The following SYNPO variants were observed in gnomAD, a reference collection of about 807,000 sequenced individuals.
SYNPO encodes the protein synaptopodin.
In SYNPO, 19 loss-of-function variants were observed where a neutral mutation model predicts 49.5. That is an observed-to-expected ratio of 0.38 (90% CI 0.27 to 0.56). The LOEUF is 0.56. Ranked by LOEUF, SYNPO falls within the 20% of genes least tolerant of loss-of-function variation. The pLI is 0.68. For missense variants in SYNPO, 1,131 were observed against 1,248.3 expected, an observed-to-expected ratio of 0.91 and a Z score of 1.42; for synonymous variants, 536 against 548.0, an observed-to-expected ratio of 0.98 and a Z score of 0.31.
chr5:150,636,807 G>T (rs1352452273), upstream of SYNPO, among the ~76,000 whole-genome samples: 1 of 148,898 alleles, frequency 6.7e-6, no homozygotes, highest in Non-Finnish European at 1.5e-5. Context: ...GGTGGGGGGT[G>T]TTGGGAAGGG....
chr5:150,593,580 G>A, the SYNPO span, among the ~76,000 whole-genome samples: 1 of 151,860 alleles, frequency 6.6e-6, no homozygotes, highest in South Asian at 2.1e-4. Flanking sequence ...TCTCACCTCC[G>A]CCTCCCAAGT....
the SYNPO span, among the ~76,000 whole-genome samples, chr5:150,594,055 G>A: frequency 6.6e-6 from 1 of 152,322 alleles, no homozygotes. Flanking sequence ...TACCCTGCAC[G>A]GCTGTGCTGA....
intron 2 of SYNPO, among the ~76,000 whole-genome samples, chr5:150,619,332 G>A (rs10068810): frequency 0.048 from 7,306 of 152,184 alleles, 435 homozygotes; most frequent in East Asian, 0.25. Flanking sequence ...GTCACTCAGC[G>A]TGTTAGTAGT....
At chr5:150,628,243 C>T (rs1757427628) in intron 2 of SYNPO, among the ~76,000 whole-genome samples, 1 of 152,182 alleles carries the variant, frequency 6.6e-6, no homozygotes, top group Admixed American at 6.5e-5. Flanking sequence ...ATTCCACCAG[C>T]CTAGCTTCAG....
intron 1 of SYNPO, among the ~76,000 whole-genome samples, chr5:150,607,293 C>T (rs774008530): frequency 6.6e-6 from 1 of 152,134 alleles, no homozygotes; most frequent in Non-Finnish European, 1.5e-5. Context: ...TGATGTTAGG[C>T]TGCATTAATA....
the SYNPO span, among the ~76,000 whole-genome samples, chr5:150,587,187 AATGG>A: frequency 4.0e-5 from 6 of 149,976 alleles, no homozygotes; most frequent in African/African-American, 1.5e-4. Flanking sequence ...TGGATATGTT[AATGG>A]ATGGATGGAT....
rs776028959 is a variant in SYNPO at position 150,648,607 on chromosome 5, T to C, written c.332T>C (p.Leu111Pro). ...PATVVPQSLP[L>P]SSIQQNSSEA... ...ACTGTTGTCCCACAGAGCCTGCCAC[T>C]TTCTAGCATCCAACAGAATTCCTCA... is the stretch of plus-strand genomic sequence containing the variant. Residue 111 changes from leucine (L) to proline (P), a missense_variant, in exon 2 of 3, where the codon CTT (leucine) becomes CCT (proline). Leu to Pro is a moderately conservative substitution (Grantham distance 98). Coordinates refer to ENST00000307662, the MANE Select transcript of SYNPO (RefSeq NM_007286.6). This position sits in a 1 kb window ranked among gnomAD's most constrained non-coding sequence, Gnocchi z 5.0. 1 of 1,614,212 alleles carries C rather than the reference T, an allele frequency of 6.2e-7. No homozygotes were observed. Among genetic ancestry groups the C allele is most frequent in the East Asian group, 2.2e-5 (1 of 44,872 alleles).
chr5:150,651,218 C>T (rs532159949), intron 2 of SYNPO: 1 of 1,005,724 alleles, frequency 9.9e-7, no homozygotes, highest in East Asian at 1.1e-4. Context: ...TCAGATTCAA[C>T]CAAGATCTGC....
exon 2 of SYNPO, chr5:150,618,568 C>A: frequency 6.4e-7 from 1 of 1,550,598 alleles, no homozygotes; most frequent in South Asian, 1.2e-5. Flanking sequence ...GTGGGGACGA[C>A]TCTGCCTGCA....
intron 2 of SYNPO, chr5:150,652,139 AGTT>A (rs1758411140): frequency 2.0e-6 from 2 of 1,001,512 alleles, no homozygotes; most frequent in African/African-American, 3.5e-5. Context: ...TGCGTGGGGG[AGTT>A]GTGAGTGAGC....
At chr5:150,642,459 G>A (rs958292074) in intron 1 of SYNPO, among the ~76,000 whole-genome samples, 2 of 152,226 alleles carry the variant, frequency 1.3e-5, no homozygotes, top group Non-Finnish European at 2.9e-5. Context: ...GCAGGCCACA[G>A]CCAGGCCGAT....
At chr5:150,623,971 G>T (rs1481922562) in intron 2 of SYNPO, among the ~76,000 whole-genome samples, 3 of 152,224 alleles carry the variant, frequency 2.0e-5, no homozygotes, top group Non-Finnish European at 4.4e-5. Context: ...TGCCCTCAAT[G>T]GGAGTGGTGC....
intron 1 of SYNPO, among the ~76,000 whole-genome samples, chr5:150,641,535 C>T (rs1383210572): frequency 6.6e-6 from 1 of 151,886 alleles, no homozygotes; most frequent in Non-Finnish European, 1.5e-5. Context: ...CTCTGGCCTC[C>T]CTTCCCCGGC....
chr5:150,652,338 T>C (rs1310850640), intron 2 of SYNPO: 2 of 989,652 alleles, frequency 2.0e-6, no homozygotes, highest in South Asian at 4.7e-5. Flanking sequence ...CTGCCTCAAA[T>C]CCGTCTTGCT....
intron 1 of SYNPO, among the ~76,000 whole-genome samples, chr5:150,646,433 G>A (rs1758095279): frequency 6.6e-6 from 1 of 152,118 alleles, no homozygotes; most frequent in Non-Finnish European, 1.5e-5. Flanking sequence ...TATTAGTGGC[G>A]TCTCTTTATA....
chr5:150,621,583 G>A (rs1167579079), intron 2 of SYNPO, among the ~76,000 whole-genome samples: 10 of 152,160 alleles, frequency 6.6e-5, no homozygotes, highest in African/African-American at 1.2e-4. Flanking sequence ...CATTACCGCC[G>A]AAGGATTATG....
chr5:150,656,369 T>C (rs1374203311), intron 2 of SYNPO, 35 bp from the exon 3 acceptor site: 1 of 1,487,476 alleles, frequency 6.7e-7, no homozygotes, highest in Non-Finnish European at 9.0e-7. Context: ...ACCTCAGCAC[T>C]AATGCCTGCC....
the SYNPO span, among the ~76,000 whole-genome samples, chr5:150,591,368 C>T: frequency 6.6e-6 from 1 of 152,208 alleles, no homozygotes; most frequent in Non-Finnish European, 1.5e-5. Context: ...AGAACTGCAG[C>T]ATGCGCAGCT....
At chr5:150,626,751 T>C (rs80172114) in intron 2 of SYNPO, among the ~76,000 whole-genome samples, 1,708 of 152,212 alleles carry the variant, frequency 0.011, 30 homozygotes, top group African/African-American at 0.038. Flanking sequence ...GATTTTAGAA[T>C]TGGGGAGACT....
Sources: allele counts gnomAD v4.1 joint callset (sites outside exome capture counted in the v4.1 genomes callset), GRCh38; gene constraint gnomAD v4.1.1; non-coding constraint Gnocchi (gnomAD v3.1); transcripts MANE v1.5; gene names NCBI Gene and HGNC (gene_info 2026-07-23, HGNC 2026-07-21).